LAPTM4B: variants seen among roughly 807,000 people sequenced by gnomAD.
The protein encoded by LAPTM4B is lysosomal-associated transmembrane protein 4B.
In LAPTM4B, 26 loss-of-function variants were observed where a neutral mutation model predicts 28.5. The ratio of observed to expected loss-of-function variants is 0.91; its 90% CI spans 0.67 to 1.27. The LOEUF (loss-of-function observed/expected upper bound fraction) is 1.27. Among genes scored for constraint, LAPTM4B ranks in the 50% most tolerant of loss-of-function variants. LAPTM4B has a pLI of 0.00. For synonymous variants in LAPTM4B, 109 were observed against 106.4 expected, an observed-to-expected ratio of 1.02 and a Z score of -0.15; for missense variants, 288 against 285.8, an observed-to-expected ratio of 1.01 and a Z score of -0.06.
intron 6 of LAPTM4B, among the ~76,000 whole-genome samples, chr8:97,850,751 ATTATC>A (rs756324816): frequency 1.4e-5 from 2 of 145,880 alleles, no homozygotes; most frequent in Non-Finnish European, 3.0e-5. Flanking sequence ...TTTTGTCTCA[ATTATC>A]TTATACTCAC....
chr8:97,791,272 T>C (rs1816493025), intron 1 of LAPTM4B, among the ~76,000 whole-genome samples: 1 of 152,122 alleles, frequency 6.6e-6, no homozygotes, highest in Admixed American at 6.6e-5. Flanking sequence ...GGGCTGGGCC[T>C]CTCTCTTCAT....
chr8:97,797,667 C>T (rs1363679012), intron 1 of LAPTM4B, among the ~76,000 whole-genome samples: 1 of 148,660 alleles, frequency 6.7e-6, no homozygotes, highest in Non-Finnish European at 1.5e-5. Context: ...ATTACTGTAT[C>T]AGTGGGTTTG....
rs141130004 is a variant in LAPTM4B, at chr8:97,817,473, A to G, written c.408+1293A>G. On this transcript the variant is annotated intron_variant, in intron 4 of 6. Coordinates refer to ENST00000521545, the MANE Select transcript of LAPTM4B (RefSeq NM_018407.6). ...TTTTTTTTTTTTTTTTTTGAGACAG[A>G]GTCTCACTCTATCACCTAGGCTGGA... Among the ~76,000 whole-genome samples the G allele has an allele frequency of 6.5e-3, 830 of 128,214 alleles. 6 individuals carry two copies. Among genetic ancestry groups the G allele is most frequent in the African/African-American group, 0.022 (780 of 34,784 alleles). 84.1% of individuals were successfully genotyped at this position (128,214 alleles called of 152,430 possible). A position where few individuals can be genotyped will look rare whatever the true frequency, so the allele number is the denominator to read the frequency against.
At position 97,852,021 on chromosome 8, in the gene LAPTM4B, G is replaced by T. The variant is rs769473756; in HGVS notation, c.*547G>T. On this transcript the variant is annotated 3_prime_UTR_variant, in exon 7 of 7. Transcript: ENST00000521545. The stretch of plus-strand genomic sequence containing the variant: ...GAAGTTCAATGACAGTTTGTGTTTG[G>T]TGGTAAAGGATTTTCTCCATGGCCT... The T allele has an allele frequency of 1.3e-5, 2 of 154,444 alleles. No individual in the cohort carries two copies. Among genetic ancestry groups the T allele is most frequent in the Non-Finnish European group, 2.9e-5 (2 of 69,724 alleles). The allele number at this position is 154,444 out of a possible 1,614,324, so 9.6% of individuals were successfully genotyped here.
At chr8:97,796,773 C>G (rs2129752094) in intron 1 of LAPTM4B, among the ~76,000 whole-genome samples, 1 of 152,156 alleles carries the variant, frequency 6.6e-6, no homozygotes, top group African/African-American at 2.4e-5. Context: ...AACCCCTTCT[C>G]TACTAAAAAT....
rs1178901585 is a variant in LAPTM4B, at chr8:97,776,626, C to G, written c.99+518C>G. 3.3e-5 allele frequency among the ~76,000 whole-genome samples: 5 copies of G among 152,182 alleles called. No individual in the cohort carries two copies. In the South Asian group the frequency reaches 8.3e-4, roughly 25 times the overall value. ...CGCTAGGGTGGCCTGCGCTTTCACG[C>G]CGTCGCACGTTCGGATCCCGAGTTG... On this transcript the variant is annotated intron_variant, in intron 1 of 6. Transcript: ENST00000521545.
chr8:97,776,457 C>A (rs1208539292), intron 1 of LAPTM4B, among the ~76,000 whole-genome samples: 2 of 152,254 alleles, frequency 1.3e-5, no homozygotes, highest in African/African-American at 4.8e-5. Flanking sequence ...CTGCCGAGCA[C>A]GTGTTTCCTT....
At chr8:97,824,555 T>TAGTG (rs1817064503) in intron 5 of LAPTM4B, among the ~76,000 whole-genome samples, 1 of 152,260 alleles carries the variant, frequency 6.6e-6, no homozygotes, top group African/African-American at 2.4e-5. Flanking sequence ...GGAAATGTTT[T>TAGTG]AGTGAATTTT....
chr8:97,823,741 A>C (rs2129810970), intron 5 of LAPTM4B, among the ~76,000 whole-genome samples: 1 of 145,482 alleles, frequency 6.9e-6, no homozygotes, highest in East Asian at 2.0e-4. Context: ...TCTGTCACCC[A>C]GGGTGGAATG....
chr8:97,777,222 C>T (rs1242221294), intron 1 of LAPTM4B, among the ~76,000 whole-genome samples: 2 of 136,922 alleles, frequency 1.5e-5, no homozygotes, highest in African/African-American at 5.4e-5. Context: ...TCTCTGCTCA[C>T]TGCAGCCTTC....
chr8:97,811,282 T>C (rs909616678), intron 2 of LAPTM4B, among the ~76,000 whole-genome samples: 1 of 152,146 alleles, frequency 6.6e-6, no homozygotes, highest in African/African-American at 2.4e-5. Context: ...AACTCAGTCC[T>C]AGATATATAC....
intron 6 of LAPTM4B, among the ~76,000 whole-genome samples, chr8:97,840,789 C>T (rs1047905604): frequency 5.3e-5 from 8 of 150,382 alleles, no homozygotes; most frequent in African/African-American, 9.8e-5. Context: ...ACTTCCCAGA[C>T]GGTGGGGCGG....
intron 1 of LAPTM4B, among the ~76,000 whole-genome samples, chr8:97,791,546 G>A (rs1816499783): frequency 6.6e-6 from 1 of 152,144 alleles, no homozygotes; most frequent in South Asian, 2.1e-4. Flanking sequence ...CTGCTGGTGT[G>A]GCAGATCGTT....
intron 2 of LAPTM4B, among the ~76,000 whole-genome samples, chr8:97,813,104 C>G (rs1402277439): frequency 2.6e-5 from 4 of 152,216 alleles, no homozygotes; most frequent in African/African-American, 9.6e-5. Flanking sequence ...GGAGGATTGA[C>G]TTATATGACC....
intron 6 of LAPTM4B, among the ~76,000 whole-genome samples, chr8:97,842,284 C>T (rs1170499278): frequency 6.6e-6 from 1 of 151,918 alleles, no homozygotes; most frequent in Non-Finnish European, 1.5e-5. Flanking sequence ...AACTTCTTAG[C>T]TCCCAGGCCA....
chr8:97,804,513 T>C (rs993014945), intron 1 of LAPTM4B, among the ~76,000 whole-genome samples: 1 of 152,232 alleles, frequency 6.6e-6, no homozygotes, highest in African/African-American at 2.4e-5. Context: ...TGTTTGTTCC[T>C]GGGCAGTGTT....
intron 1 of LAPTM4B, among the ~76,000 whole-genome samples, chr8:97,799,964 G>A (rs1054116701): frequency 2.0e-5 from 3 of 152,070 alleles, no homozygotes; most frequent in African/African-American, 7.2e-5. Flanking sequence ...CATCTTTTGA[G>A]TTCCTGTTCA....
At chr8:97,833,249 GCTTGAACCTGGGAGGTTCA>G (rs1055585894) in intron 6 of LAPTM4B, among the ~76,000 whole-genome samples, 12 of 151,920 alleles carry the variant, frequency 7.9e-5, no homozygotes, top group South Asian at 2.1e-4. Context: ...CAGGAGAATC[GCTTGAACCTGGGAGGTTCA>G]CTTGAACCTG....
In LAPTM4B at chr8:97,805,332, T is replaced by G. The variant is rs4735497; in HGVS notation, c.100-21T>G. Reference sequence around the variant, plus strand: ...CTGGGGTTACTTAAATTCTTTTTTTTTTTTTTTTTTCTTGTTGCAGATCAT... The same window carrying G: ...CTGGGGTTACTTAAATTCTTTTTTTGTTTTTTTTTTCTTGTTGCAGATCAT... On this transcript the variant is annotated intron_variant, in intron 1 of 6. Coordinates refer to ENST00000521545, the MANE Select transcript of LAPTM4B (RefSeq NM_018407.6). 4,515 of 769,420 alleles carry G rather than the reference T, an allele frequency of 5.9e-3. 3 individuals carry two copies. Among genetic ancestry groups the G allele is most frequent in the Non-Finnish European group, 6.7e-3 (3,596 of 533,678 alleles). The allele number at this position is 769,420 out of a possible 1,614,324, so 47.7% of individuals were successfully genotyped here.
Sources: allele counts gnomAD v4.1 joint callset (sites outside exome capture counted in the v4.1 genomes callset), GRCh38; gene constraint gnomAD v4.1.1; transcripts MANE v1.5; gene names NCBI Gene and HGNC (gene_info 2026-07-23, HGNC 2026-07-21).